REG4: variants seen among roughly 807,000 people sequenced by gnomAD.
REG4 encodes regenerating islet-derived protein 4.
Under a neutral mutation model 22.3 loss-of-function variants are expected in REG4, and 16 were observed. That is an observed-to-expected ratio of 0.72 (90% CI 0.49 to 1.09). The LOEUF (loss-of-function observed/expected upper bound fraction) is 1.09. Among genes scored for constraint, REG4 ranks in the 50% least tolerant of loss-of-function variants. REG4 has a pLI of 0.00. For synonymous variants in REG4, 71 were observed against 69.2 expected, an observed-to-expected ratio of 1.03 and a Z score of -0.13; for missense variants, 214 against 193.9, an observed-to-expected ratio of 1.10 and a Z score of -0.61.
intron 3 of REG4, chr1:119,801,536 A>G (rs945051688): frequency 6.6e-6 from 1 of 152,228 alleles, no homozygotes; most frequent in Admixed American, 6.5e-5. Flanking sequence ...TATGTACGTG[A>G]TAGCCTCCCT....
At chr1:119,802,991 G>A in intron 3 of REG4, 77 bp downstream of exon 3, 1 of 1,598,044 alleles carries the variant, frequency 6.3e-7, no homozygotes, top group Non-Finnish European at 8.5e-7. Context: ...ACTTGATCCT[G>A]AATCAAATGA....
intron 5 of REG4, among the ~76,000 whole-genome samples, chr1:119,796,761 C>T (rs1480518456): frequency 2.0e-5 from 3 of 152,170 alleles, no homozygotes; most frequent in Non-Finnish European, 2.9e-5. Flanking sequence ...AACCCAAAGA[C>T]GTGCTGTTCT....
chr1:119,799,798 C>A lies in REG4; in HGVS notation c.230G>T (p.Ser77Ile). ...LASILSLKEA[S>I]TIAEYISGYQ... ...GCCACTTATGTACTCTGCTATGGTG[C>A]TGGCTTCCTTTAAACTCAGGATAGA... Residue 77 changes from serine (S) to isoleucine (I), a missense_variant, in exon 4 of 6, where the codon AGC becomes ATC. Transcript: ENST00000256585. 1 of 1,614,196 alleles carries A rather than the reference C, an allele frequency of 6.2e-7. No individual in the cohort carries two copies. The highest frequency in any genetic ancestry group is 8.5e-7 in the Non-Finnish European group (1 of 1,180,042).
chr1:119,809,502 A>T (rs1654432081), intron 1 of REG4, among the ~76,000 whole-genome samples: 1 of 152,208 alleles, frequency 6.6e-6, no homozygotes, highest in South Asian at 2.1e-4. Flanking sequence ...ATAAGAAGTA[A>T]ATCCCATCTC....
intron 1 of REG4, among the ~76,000 whole-genome samples, chr1:119,810,566 G>A (rs3009199): frequency 0.69 from 104,310 of 152,002 alleles, 37,511 homozygotes; most frequent in South Asian, 0.83. Context: ...CGTGAACCTT[G>A]CACTTTGCTA....
rs755720774 is a variant in REG4 at position 119,794,487 on chromosome 1, C to T, written c.*131G>A. The T allele has an allele frequency of 5.4e-5, 44 of 817,018 alleles. No individual in the cohort carries two copies. The highest frequency in any genetic ancestry group is 9.0e-5 in the Non-Finnish European group (43 of 480,440). The allele number at this position is 817,018 out of a possible 1,614,324, so 50.6% of individuals were successfully genotyped here. A position where few individuals can be genotyped will look rare whatever the true frequency, so the allele number is the denominator to read the frequency against. On this transcript the variant is annotated 3_prime_UTR_variant, in exon 6 of 6. Transcript: ENST00000256585. ...TTTCTGTCTCTAAGCCTAAAAAAGC[C>T]AGTGTAGTAGGGCCCTTATCACTCT...
intron 2 of REG4, among the ~76,000 whole-genome samples, chr1:119,803,991 G>A (rs1442163043): frequency 6.6e-6 from 1 of 152,314 alleles, no homozygotes; most frequent in Non-Finnish European, 1.5e-5. Flanking sequence ...ATTCAGGGAG[G>A]CACATGCTTT....
intron 2 of REG4, 147 bp downstream of exon 2, chr1:119,808,556 A>C (rs1654396071): frequency 1.5e-5 from 9 of 606,676 alleles, no homozygotes; most frequent in South Asian, 1.4e-4. Context: ...TGAATTTTTT[A>C]GTACCTATCT....
Position 119,799,744 on chromosome 1 carries a change from C to A in REG4, c.284G>T (p.Gly95Val), listed in dbSNP as rs1420196133. The change falls in exon 4 of 6, where the codon GGC becomes GTC. Residue 95 changes from glycine (G) to valine (V), a missense_variant. Coordinates refer to ENST00000256585, the MANE Select transcript of REG4 (RefSeq NM_032044.4). ...GYQRSQPIWI[G>V]LHDPQKRQQW... ...GGTTACCTTCTGTGGGTCGTGCAGG[C>A]CAATCCATATCGGCTGGCTTCTCTG... 2 of 1,614,030 alleles carry A rather than the reference C, an allele frequency of 1.2e-6. No homozygotes were observed. Among genetic ancestry groups the A allele is most frequent in the Non-Finnish European group, 1.7e-6 (2 of 1,180,018 alleles).
chr1:119,799,061 G>A (rs897952459), intron 4 of REG4, among the ~76,000 whole-genome samples: 3 of 152,064 alleles, frequency 2.0e-5, no homozygotes, highest in Admixed American at 1.3e-4. Flanking sequence ...GAGGTTGAAC[G>A]AATGTGTGGT....
At chr1:119,810,108 C>T (rs191951692) in intron 1 of REG4, among the ~76,000 whole-genome samples, 3 of 151,638 alleles carry the variant, frequency 2.0e-5, no homozygotes, top group South Asian at 2.1e-4. Flanking sequence ...TTTTCTCTTA[C>T]TTATTATAAT....
chr1:119,794,757 T>C, intron 5 of REG4, 72 bp from the exon 6 acceptor site: 1 of 1,352,748 alleles, frequency 7.4e-7, no homozygotes, highest in African/African-American at 1.4e-5. Flanking sequence ...TCTGGGTGTT[T>C]TTCTTGGAAG....
intron 2 of REG4, among the ~76,000 whole-genome samples, chr1:119,807,161 C>T (rs1654346331): frequency 6.6e-6 from 1 of 152,174 alleles, no homozygotes; most frequent in South Asian, 2.1e-4. Flanking sequence ...GGTATCAGGA[C>T]AAAGAACTCA....
chr1:119,807,277 A>T lies in REG4; in HGVS notation c.67+1426T>A, dbSNP rs587622011. Among the ~76,000 whole-genome samples the T allele has an allele frequency of 4.6e-5, 7 of 152,336 alleles. No individual in the cohort carries two copies. The South Asian group carries it at 1.5e-3, about 32-fold the overall frequency. ...TCTTAAGTACAGCAGTGCAAAGAAC[A>T]TTTAGGATATGTCATAAGGGAGGTT... On this transcript the variant is annotated intron_variant, in intron 2 of 5. Coordinates refer to ENST00000256585, the MANE Select transcript of REG4 (RefSeq NM_032044.4).
At chr1:119,803,209 C>A in intron 2 of REG4, 44 bp from the exon 3 acceptor site, 1 of 1,490,362 alleles carries the variant, frequency 6.7e-7, no homozygotes, top group Non-Finnish European at 8.9e-7. Flanking sequence ...ATAGCAAAAA[C>A]AATCAATTCC....
Position 119,794,636 on chromosome 1 carries a change from C to G in REG4, c.459G>C (p.Leu153=). The change falls in exon 6 of 6, where the codon CTG becomes CTC. Residue 153 remains leucine, a synonymous_variant. Coordinates refer to ENST00000256585, the MANE Select transcript of REG4 (RefSeq NM_032044.4). ...SNECNKRQHF[L]CKYRP is the part of the protein sequence containing the mutation. ...TCTTGCTCTATGGTCGGTACTTGCA[C>G]AGGAAGTGTTGGCGCTTGTTGCATT... The G allele has an allele frequency of 1.2e-6, 2 of 1,614,134 alleles. No individual in the cohort carries two copies. The highest frequency in any genetic ancestry group is 1.7e-6 in the Non-Finnish European group (2 of 1,179,994).
intron 2 of REG4, among the ~76,000 whole-genome samples, chr1:119,805,926 G>A (rs943698760): frequency 5.9e-5 from 9 of 151,922 alleles, no homozygotes; most frequent in South Asian, 2.1e-4. Context: ...ACCAACGGCC[G>A]CTCTGCTGCG....
At position 119,794,547 on chromosome 1, in the gene REG4, A is replaced by G; in HGVS notation, c.*71T>C. 2 of 1,357,656 alleles carry G rather than the reference A, an allele frequency of 1.5e-6. No homozygotes were observed. Among genetic ancestry groups the G allele is most frequent in the South Asian group, 1.2e-5 (1 of 85,850 alleles). 84.1% of individuals were successfully genotyped at this position (1,357,656 alleles called of 1,614,324 possible). A position where few individuals can be genotyped will look rare whatever the true frequency, so the allele number is the denominator to read the frequency against. On this transcript the variant is annotated 3_prime_UTR_variant, in exon 6 of 6. Coordinates refer to ENST00000256585, the MANE Select transcript of REG4 (RefSeq NM_032044.4). Reference sequence around the variant, plus strand: ...AGGTTTCCCCTCTGAAATAATGAGCAGATTTAGCCAGGCTAGCAGAAAGGA... The same window carrying G: ...AGGTTTCCCCTCTGAAATAATGAGCGGATTTAGCCAGGCTAGCAGAAAGGA...
chr1:119,797,363 T>C (rs1312551335), intron 5 of REG4, among the ~76,000 whole-genome samples: 2 of 152,216 alleles, frequency 1.3e-5, no homozygotes, highest in Non-Finnish European at 2.9e-5. Flanking sequence ...CTCTGAGGGC[T>C]TTCCTCAGAG....
Sources: allele counts gnomAD v4.1 joint callset (sites outside exome capture counted in the v4.1 genomes callset), GRCh38; gene constraint gnomAD v4.1.1; transcripts MANE v1.5; gene names NCBI Gene and HGNC (gene_info 2026-07-23, HGNC 2026-07-21).